MYO3A: variants seen among roughly 807,000 people sequenced by gnomAD.
The protein encoded by MYO3A is myosin-IIIa.
MYO3A carries 180 observed loss-of-function variants against 192.7 expected under a neutral mutation model. The observed-to-expected ratio is 0.93, with a 90% CI of 0.83 to 1.06. The LOEUF (loss-of-function observed/expected upper bound fraction) is 1.06. Among genes scored for constraint, MYO3A ranks in the 50% least tolerant of loss-of-function variants. The pLI, the probability that MYO3A is intolerant of heterozygous loss-of-function variation, is 0.00. For synonymous variants in MYO3A, 628 were observed against 645.3 expected, an observed-to-expected ratio of 0.97 and a Z score of 0.41; for missense variants, 1,896 against 1,905.0, an observed-to-expected ratio of 1.00 and a Z score of 0.09.
Position 26,016,819 on chromosome 10 carries a change from G to A in MYO3A, c.509-1G>A. 1.2e-6 allele frequency: 2 copies of A among 1,614,026 alleles called. No individual in the cohort carries two copies. Among genetic ancestry groups the A allele is most frequent in the Non-Finnish European group, 1.7e-6 (2 of 1,179,910 alleles). Reference sequence around the variant, plus strand: ...AAAGTACATCTTGTCTCTTCCTCTAGGTGTGTCTGCACAGCTCACCAGTAC... The same window carrying A: ...AAAGTACATCTTGTCTCTTCCTCTAAGTGTGTCTGCACAGCTCACCAGTAC... On this transcript the variant is annotated splice_acceptor_variant, in intron 6 of 34. Coordinates refer to ENST00000642920, the MANE Select transcript of MYO3A (RefSeq NM_017433.5). LOFTEE classifies it high-confidence loss of function.
chr10:26,210,588 G>A (rs1251811593), intron 34 of MYO3A, among the ~76,000 whole-genome samples: 1 of 152,166 alleles, frequency 6.6e-6, no homozygotes, highest in Non-Finnish European at 1.5e-5. Flanking sequence ...CTTTCATCCT[G>A]GCAGACAGAT....
intron 34 of MYO3A, among the ~76,000 whole-genome samples, chr10:26,210,633 C>T (rs1420112096): frequency 6.6e-6 from 1 of 152,218 alleles, no homozygotes; most frequent in East Asian, 1.9e-4. Context: ...CAGAACCCTT[C>T]AATGTTTCTC....
chr10:26,052,659 G>A (rs748663401), intron 10 of MYO3A, among the ~76,000 whole-genome samples: 43 of 152,186 alleles, frequency 2.8e-4, no homozygotes, highest in Non-Finnish European at 5.9e-4. Flanking sequence ...TTGGATTTAT[G>A]TTTAACAAAA....
chr10:25,988,366 A>T (rs76497081), intron 4 of MYO3A, among the ~76,000 whole-genome samples: 11 of 125,204 alleles, frequency 8.8e-5, no homozygotes, highest in South Asian at 2.2e-4. Context: ...ATTGAAATTT[A>T]AAAAAAATTT....
intron 7 of MYO3A, 120 bp downstream of exon 7, chr10:26,017,016 T>A: frequency 9.0e-7 from 1 of 1,108,628 alleles, no homozygotes; most frequent in Non-Finnish European, 1.3e-6. Context: ...TCAGTTGTGT[T>A]ATTTTCATGT....
intron 31 of MYO3A, among the ~76,000 whole-genome samples, chr10:26,192,950 C>T (rs1843221940): frequency 6.6e-6 from 1 of 152,086 alleles, no homozygotes; most frequent in Non-Finnish European, 1.5e-5. Flanking sequence ...CCACTGCACC[C>T]GGCTGCATTG....
At position 26,147,392 on chromosome 10, in the gene MYO3A, A is replaced by AC. The variant is rs767215035; in HGVS notation, c.2506-37dup. 4 of 1,577,788 alleles carry AC rather than the reference A, an allele frequency of 2.5e-6. No individual in the cohort carries two copies. The African/African-American group carries it at 5.4e-5, about 21-fold the overall frequency. The stretch of plus-strand genomic sequence containing the variant: ...GGTGAGGAGGAGGAGGATGACAATG[A>AC]CATTGATTGTGATAATTATAGCATA... On this transcript the variant is annotated intron_variant, in intron 22 of 34. Transcript: ENST00000642920.
rs757857823 is a variant in MYO3A, at chr10:25,997,163, T to A, written c.413T>A (p.Leu138His). The part of the protein sequence containing the change: ...AYILHEALMG[L>H]QHLHNNKTIH... ...TATATATTTCTTATCTTCTAGGGAC[T>A]TCAACATTTGCATAACAACAAAACT... The change falls in exon 6 of 35, where the codon CTT (leucine) becomes CAT (histidine). Residue 138 changes from leucine (L) to histidine (H), a missense_variant. Coordinates refer to ENST00000642920, the MANE Select transcript of MYO3A (RefSeq NM_017433.5). The A allele has an allele frequency of 6.2e-7, 1 of 1,612,044 alleles. No homozygotes were observed. Among genetic ancestry groups the A allele is most frequent in the East Asian group, 2.2e-5 (1 of 44,734 alleles).
chr10:26,038,007 C>G (rs577312987), intron 10 of MYO3A, among the ~76,000 whole-genome samples: 1 of 152,190 alleles, frequency 6.6e-6, no homozygotes, highest in African/African-American at 2.4e-5. Context: ...AAAGAGCTCA[C>G]TGTGGATTTA....
intron 29 of MYO3A, among the ~76,000 whole-genome samples, chr10:26,171,799 C>A (rs1212486079): frequency 6.6e-6 from 1 of 152,080 alleles, no homozygotes; most frequent in Non-Finnish European, 1.5e-5. Flanking sequence ...GGCTGCAAAT[C>A]GAAGAAAGAT....
chr10:26,166,667 C>A (rs1456405252), intron 27 of MYO3A, among the ~76,000 whole-genome samples: 2 of 152,164 alleles, frequency 1.3e-5, no homozygotes, highest in East Asian at 3.8e-4. Flanking sequence ...GATATATATT[C>A]TCTAGTTTAT....
intron 34 of MYO3A, chr10:26,203,996 G>A (rs1481620513): frequency 1.3e-5 from 2 of 152,212 alleles, no homozygotes; most frequent in African/African-American, 4.8e-5. Flanking sequence ...TTGTTGTAGA[G>A]ACTAAATGTA....
At chr10:26,033,749 G>T (rs543051412) in intron 10 of MYO3A, among the ~76,000 whole-genome samples, 11 of 152,132 alleles carry the variant, frequency 7.2e-5, no homozygotes, top group Non-Finnish European at 1.6e-4. Flanking sequence ...ATTTCCACTA[G>T]CAGGGGCAGG....
intron 6 of MYO3A, among the ~76,000 whole-genome samples, chr10:26,014,886 G>A (rs945271786): frequency 1.3e-5 from 2 of 152,038 alleles, no homozygotes; most frequent in Admixed American, 6.6e-5. Flanking sequence ...AAGTTGTCTG[G>A]TCTATTTGAG....
chr10:25,996,676 C>G, intron 5 of MYO3A, 82 bp downstream of exon 5: 1 of 1,070,320 alleles, frequency 9.3e-7, no homozygotes, highest in South Asian at 1.3e-5. Flanking sequence ...AGAAAAATGT[C>G]ACTAGTGATA....
intron 4 of MYO3A, among the ~76,000 whole-genome samples, chr10:25,972,666 C>G (rs368417292): frequency 2.6e-5 from 4 of 152,106 alleles, no homozygotes; most frequent in East Asian, 1.9e-4. Flanking sequence ...ATCTATGAAG[C>G]CTTTGATGTC....
Position 26,145,443 on chromosome 10 carries a change from C to G in MYO3A, c.2417-3C>G. 6.3e-7 allele frequency: 1 copy of G among 1,576,150 alleles called. No individual in the cohort carries two copies. On this transcript the variant is annotated splice_region_variant and splice_polypyrimidine_tract_variant and intron_variant, in intron 21 of 34. Coordinates refer to ENST00000642920, the MANE Select transcript of MYO3A (RefSeq NM_017433.5). Reference sequence around the variant, plus strand: ...GATATTTGAGTTCAGTATTTTTCTACAGAAAAATTTGAAGGTAACCTGAAA... The same window carrying G: ...GATATTTGAGTTCAGTATTTTTCTAGAGAAAAATTTGAAGGTAACCTGAAA...
At chr10:26,143,705 C>G in intron 21 of MYO3A, 104 bp downstream of exon 21, 1 of 1,393,236 alleles carries the variant, frequency 7.2e-7, no homozygotes, top group East Asian at 2.4e-5. Flanking sequence ...AAATAGCTGT[C>G]ACAAAGCCTG....
At chr10:25,968,185 CA>C (rs1359765607) in intron 4 of MYO3A, among the ~76,000 whole-genome samples, 3 of 152,144 alleles carry the variant, frequency 2.0e-5, no homozygotes, top group Admixed American at 6.5e-5. Flanking sequence ...AAAAAAGACA[CA>C]TTACATTTAG....
Sources: gnomAD v4.1 joint callset for allele counts (sites outside exome capture counted in the v4.1 genomes callset) on GRCh38, gnomAD v4.1.1 for gene constraint, MANE v1.5 for transcripts, NCBI Gene and HGNC (gene_info 2026-07-23, HGNC 2026-07-21) for gene names.